The following TRIM51 variants were observed in gnomAD, a reference collection of about 807,000 sequenced individuals.
The protein encoded by TRIM51 is tripartite motif-containing protein 51.
TRIM51 carries 23 observed loss-of-function variants against 32.7 expected under a neutral mutation model. That is an observed-to-expected ratio of 0.70 (90% CI 0.51 to 1.00). The LOEUF is 1.00. TRIM51 is among the 50% of genes least tolerant of loss of function. The probability of loss-of-function intolerance (pLI) is 0.00; values close to 1 mark genes in which losing one functional copy is unlikely to be tolerated. For missense variants in TRIM51, 592 were observed against 539.2 expected, an observed-to-expected ratio of 1.10 and a Z score of -0.97; for synonymous variants, 177 against 181.9, an observed-to-expected ratio of 0.97 and a Z score of 0.22.
chr11:55,890,052 C>T lies in TRIM51; in HGVS notation c.859+13C>T, dbSNP rs1456146021. The T allele has an allele frequency of 2.5e-6, 4 of 1,589,294 alleles. No individual in the cohort carries two copies. ...AGTGGATTCAGAGGTGAGTGTCAGC[C>T]CATTGGCAGAATTCCCACAGTCTAT... On this transcript the variant is annotated intron_variant, in intron 6 of 6. Transcript: ENST00000449290.
intron 2 of TRIM51, 91 bp from the exon 3 acceptor site, chr11:55,886,032 A>T: frequency 6.7e-7 from 1 of 1,491,798 alleles, no homozygotes; most frequent in South Asian, 1.3e-5. Context: ...CTGTGGGTTA[A>T]TTTGTCTCTC....
At chr11:55,887,153 T>C (rs1854587838) in intron 3 of TRIM51, among the ~76,000 whole-genome samples, 1 of 151,972 alleles carries the variant, frequency 6.6e-6, no homozygotes, top group South Asian at 2.1e-4. Flanking sequence ...GGATGAGGGT[T>C]TGAGTTTTAA....
rs1410288993 is a variant in TRIM51 at position 55,888,242 on chromosome 11, G to A, written c.718G>A (p.Ala240Thr). ...YEDLKQMCHK[A>T]DVELLQAFGD... ...GGATCTGAAGCAAATGTGCCATAAA[G>A]CAGATGTGGAGCTACTCCAGGTATG... Residue 240 changes from alanine to threonine, a missense_variant, in exon 4 of 7, where the codon GCA (alanine) becomes ACA (threonine). Coordinates refer to ENST00000449290, the MANE Select transcript of TRIM51 (RefSeq NM_032681.4). 6.2e-7 allele frequency: 1 copy of A among 1,612,732 alleles called. No individual in the cohort carries two copies. The highest frequency in any genetic ancestry group is 2.2e-5 in the East Asian group (1 of 44,860).
Position 55,884,180 on chromosome 11 carries a change from T to TATATATATATATATATAC in TRIM51, c.-5+799_-5+800insTATATATATATATACATA, listed in dbSNP as rs1344857496. Among the ~76,000 whole-genome samples the TATATATATATATATATAC allele has an allele frequency of 1.6e-3, 198 of 124,036 alleles. 3 individuals are homozygous for TATATATATATATATATAC. The highest frequency in any genetic ancestry group is 6.3e-3 in the African/African-American group (190 of 30,204). 81.4% of individuals were successfully genotyped at this position (124,036 alleles called of 152,430 possible). On this transcript the variant is annotated intron_variant, in intron 1 of 6. Coordinates refer to ENST00000449290, the MANE Select transcript of TRIM51 (RefSeq NM_032681.4). Reference sequence around the variant, plus strand: ...AACTATATATATATATATATATATATATACACATACCAAAAATACTTACAA... The same window carrying TATATATATATATATATAC: ...AACTATATATATATATATATATATATATATATATATATATATACATACACATACCAAAAATACTTACAA...
At chr11:55,886,704 T>A (rs994323440) in intron 3 of TRIM51, among the ~76,000 whole-genome samples, 28 of 152,090 alleles carry the variant, frequency 1.8e-4, no homozygotes, top group Non-Finnish European at 3.5e-4. Context: ...CTAATTAATA[T>A]TGAATAAGCC....
intron 5 of TRIM51, 58 bp from the exon 6 acceptor site, chr11:55,889,884 T>C (rs1854625326): frequency 8.4e-7 from 1 of 1,183,780 alleles, no homozygotes; most frequent in East Asian, 2.3e-5. Flanking sequence ...ATAAGAGTGG[T>C]GTTTTTTATG....
At position 55,885,799 on chromosome 11, in the gene TRIM51, A is replaced by G. The variant is rs910143904; in HGVS notation, c.371A>G (p.His124Arg). Residue 124 changes from histidine (H) to arginine (R), a missense_variant, in exon 2 of 7, where the codon CAC becomes CGC. Physicochemically the swap from His to Arg is conservative, Grantham distance 29. Coordinates refer to ENST00000449290, the MANE Select transcript of TRIM51 (RefSeq NM_032681.4). ...PCSNSQEHRNHIHCPIEWAAE... is the reference protein window; with the variant it reads ...PCSNSQEHRNRIHCPIEWAAE... ...TCCAACTCTCAGGAGCACCGGAATC[A>G]CATACACTGTCCCATTGAGTGGGCT... 1.2e-6 allele frequency: 2 copies of G among 1,611,820 alleles called. No homozygotes were observed. The highest frequency in any genetic ancestry group is 1.7e-6 in the Non-Finnish European group (2 of 1,179,712).
rs139319596 is a variant in TRIM51, at chr11:55,888,130, A to G, written c.606A>G (p.Arg202=). 1.2e-3 allele frequency: 1,894 copies of G among 1,613,736 alleles called. 2 individuals are homozygous for G. The highest frequency in any genetic ancestry group is 1.4e-3 in the Non-Finnish European group (1,704 of 1,179,688). The change falls in exon 4 of 7, where the codon CGA becomes CGG. Residue 202 remains arginine, a synonymous_variant. Coordinates refer to ENST00000449290, the MANE Select transcript of TRIM51 (RefSeq NM_032681.4). ...AGCAACATCACTTGGAAAGGCTGCG[A>G]AAGGAGGGCGAGGACATTTTTCAGC... ...EEEQHHLERL[R]KEGEDIFQQL...
Position 55,885,527 on chromosome 11 carries a change from C to T in TRIM51, c.99C>T (p.Ser33=). Residue 33 remains serine (S), a synonymous_variant, in exon 2 of 7, where the codon AGC becomes AGT. Transcript: ENST00000449290. ...LDPVTIDCGH[S]FCRPCLYLNW... ...CAGTCACCATAGACTGTGGGCACAGCTTTTGCCGGCCCTGTTTGTACCTCA... is the reference window on the plus strand; with the variant it reads ...CAGTCACCATAGACTGTGGGCACAGTTTTTGCCGGCCCTGTTTGTACCTCA... The T allele has an allele frequency of 6.2e-7, 1 of 1,612,062 alleles. No homozygotes were observed. Among genetic ancestry groups the T allele is most frequent in the Non-Finnish European group, 8.5e-7 (1 of 1,179,752 alleles).
chr11:55,891,689 G>C lies in TRIM51; in HGVS notation c.*57G>C. On this transcript the variant is annotated 3_prime_UTR_variant, in exon 7 of 7. Transcript: ENST00000449290. The stretch of plus-strand genomic sequence containing the variant: ...TCTGGGAACCTGTTTATCCCAGAAA[G>C]CCCTCTTTTTCGCACCTCATCAAAC... The C allele has an allele frequency of 6.3e-7, 1 of 1,596,672 alleles. No individual in the cohort carries two copies. The highest frequency in any genetic ancestry group is 1.1e-5 in the South Asian group (1 of 89,636).
intron 4 of TRIM51, 91 bp downstream of exon 4, chr11:55,888,353 C>G (rs1854604530): frequency 8.0e-6 from 8 of 994,448 alleles, no homozygotes; most frequent in Non-Finnish European, 1.1e-5. Flanking sequence ...CCCTTCACTT[C>G]CATTATTTGT....
chr11:55,884,885 C>A (rs981747014), intron 1 of TRIM51, among the ~76,000 whole-genome samples: 2 of 151,774 alleles, frequency 1.3e-5, no homozygotes, highest in African/African-American at 4.8e-5. Flanking sequence ...CCTAGTGATC[C>A]TAGACTGGTT....
In TRIM51 at chr11:55,891,598, C is replaced by T; in HGVS notation, c.1325C>T (p.Pro442Leu). The T allele has an allele frequency of 6.2e-7, 1 of 1,613,122 alleles. No homozygotes were observed. Among genetic ancestry groups the T allele is most frequent in the South Asian group, 1.1e-5 (1 of 91,066 alleles). The change falls in exon 7 of 7, where the codon CCT becomes CTT. Residue 442 changes from proline to leucine, a missense_variant. By Grantham distance (98) the Pro-to-Leu change is moderately conservative. Coordinates refer to ENST00000449290, the MANE Select transcript of TRIM51 (RefSeq NM_032681.4). ...YTIPNCSFSPPLRPIFCCSHF is the reference protein window; with the variant it reads ...YTIPNCSFSPLLRPIFCCSHF ...ATCCCCAATTGCTCCTTCTCACCTC[C>T]TCTCAGGCCTATCTTTTGCTGTAGT...
At chr11:55,884,157 C>CTATATATA (rs143840865) in intron 1 of TRIM51, among the ~76,000 whole-genome samples, 727 of 61,458 alleles carry the variant, frequency 0.012, 75 homozygotes, top group African/African-American at 0.033. Flanking sequence ...ATAACTATAA[C>CTATATATA]TATATATATA....
intron 6 of TRIM51, 121 bp downstream of exon 6, chr11:55,890,160 C>T (rs1381641000): frequency 4.7e-6 from 3 of 644,608 alleles, no homozygotes; most frequent in East Asian, 2.8e-5. Context: ...AACCATATGA[C>T]TATGCAACCC....
chr11:55,888,248 G>GT lies in TRIM51; in HGVS notation c.725dup (p.Glu243GlyfsTer14), dbSNP rs767274759. ...GAAGCAAATGTGCCATAAAGCAGATGTGGAGCTACTCCAGGTATGGACTGA... is the reference window on the plus strand; with the variant it reads ...GAAGCAAATGTGCCATAAAGCAGATGTTGGAGCTACTCCAGGTATGGACTGA... On this transcript the variant is annotated frameshift_variant, in exon 4 of 7. Coordinates refer to ENST00000449290, the MANE Select transcript of TRIM51 (RefSeq NM_032681.4). LOFTEE classifies it high-confidence loss of function. The GT allele has an allele frequency of 6.2e-7, 1 of 1,611,978 alleles. No homozygotes were observed. The highest frequency in any genetic ancestry group is 8.5e-7 in the Non-Finnish European group (1 of 1,178,654).
At chr11:55,887,241 C>T (rs918483353) in intron 3 of TRIM51, among the ~76,000 whole-genome samples, 1 of 151,586 alleles carries the variant, frequency 6.6e-6, no homozygotes, top group Non-Finnish European at 1.5e-5. Flanking sequence ...TGTGTATATC[C>T]TCCTGTTTGC....
At chr11:55,887,300 GGTAT>G in intron 3 of TRIM51, among the ~76,000 whole-genome samples, 1 of 141,076 alleles carries the variant, frequency 7.1e-6, no homozygotes, top group South Asian at 2.2e-4. Flanking sequence ...TCTGGATGTT[GGTAT>G]ATATATATAT....
rs141376347 is a variant in TRIM51 at position 55,891,578 on chromosome 11, C to T, written c.1305C>T (p.Pro435=). Residue 435 remains proline (P), a synonymous_variant, in exon 7 of 7, where the codon CCC becomes CCT. Coordinates refer to ENST00000449290, the MANE Select transcript of TRIM51 (RefSeq NM_032681.4). ...AAAGTTCCCTGATATACACCATCCC[C>T]AATTGCTCCTTCTCACCTCCTCTCA... is the stretch of plus-strand genomic sequence containing the variant. ...VDQSSLIYTI[P]NCSFSPPLRP... The T allele has an allele frequency of 5.3e-5, 85 of 1,613,172 alleles. 1 individual carries two copies. The South Asian group carries it at 5.4e-4, about 10-fold the overall frequency.
Sources: gnomAD v4.1 joint callset for allele counts (sites outside exome capture counted in the v4.1 genomes callset) on GRCh38, gnomAD v4.1.1 for gene constraint, MANE v1.5 for transcripts, NCBI Gene and HGNC (gene_info 2026-07-23, HGNC 2026-07-21) for gene names.